Variants in ACVR1C observed in about 807,000 individuals in gnomAD.
The protein encoded by ACVR1C is activin A receptor type 1C.
Under a neutral mutation model 57.9 loss-of-function variants are expected in ACVR1C, and 23 were observed. That is an observed-to-expected ratio of 0.40 (90% confidence interval 0.29 to 0.56). The LOEUF (loss-of-function observed/expected upper bound fraction) is 0.56, where lower values mean the gene tolerates loss of function less well. Ranked by LOEUF, ACVR1C falls within the 20% of genes least tolerant of loss-of-function variation. ACVR1C has a pLI of 0.50. For missense variants in ACVR1C, 480 were observed against 607.9 expected, an observed-to-expected ratio of 0.79 and a Z score of 2.21; for synonymous variants, 214 against 215.3, an observed-to-expected ratio of 0.99 and a Z score of 0.05.
chr2:157,611,205 T>C (rs1028763049), intron 1 of ACVR1C, among the ~76,000 whole-genome samples: 7 of 152,216 alleles, frequency 4.6e-5, no homozygotes, highest in Admixed American at 1.3e-4. Context: ...TGAAGATGTA[T>C]CTATGACATT....
rs1162068412 is a variant in ACVR1C, at chr2:157,567,340, C to A, written c.305-11008G>T. On this transcript the variant is annotated intron_variant, in intron 2 of 8. Transcript: ENST00000243349. Reference sequence around the variant, plus strand: ...TCCTCCAAAGGAACGCAGTTCCTCACCAGCAACAGAACAAAGCTGGATGGA... The same window carrying A: ...TCCTCCAAAGGAACGCAGTTCCTCAACAGCAACAGAACAAAGCTGGATGGA... Among the ~76,000 whole-genome samples the A allele has an allele frequency of 2.9e-5, 3 of 104,250 alleles. 1 individual carries two copies. Among genetic ancestry groups the A allele is most frequent in the Admixed American group, 2.8e-4 (3 of 10,640 alleles). 68.4% of individuals were successfully genotyped at this position (104,250 alleles called of 152,430 possible).
In ACVR1C at chr2:157,540,542, C is replaced by T. The variant is rs538703136; in HGVS notation, c.1225+548G>A. ...GAACTCCCGACCTCAGTGATCCGCC[C>T]GCCTCAGCCTCCCAAAGTGTTGGGA... On this transcript the variant is annotated intron_variant, in intron 7 of 8. Transcript: ENST00000243349. Among the ~76,000 whole-genome samples the T allele has an allele frequency of 8.5e-5, 13 of 152,194 alleles. No individual in the cohort carries two copies. In the South Asian group the frequency reaches 1.2e-3, roughly 15 times the overall value.
intron 1 of ACVR1C, among the ~76,000 whole-genome samples, chr2:157,618,310 G>T (rs1379127115): frequency 1.3e-5 from 2 of 151,508 alleles, no homozygotes; most frequent in Non-Finnish European, 3.0e-5. Flanking sequence ...AAATAGAGAG[G>T]CATAGCTTAG....
At chr2:157,563,501 T>C (rs1055922286) in intron 2 of ACVR1C, among the ~76,000 whole-genome samples, 1 of 152,250 alleles carries the variant, frequency 6.6e-6, no homozygotes, top group African/African-American at 2.4e-5. Flanking sequence ...TTCATGCTCA[T>C]GGATAGGAAG....
At chr2:157,611,832 G>T (rs1682542614) in intron 1 of ACVR1C, among the ~76,000 whole-genome samples, 1 of 152,150 alleles carries the variant, frequency 6.6e-6, no homozygotes, top group Non-Finnish European at 1.5e-5. Context: ...GGGCTCTGTG[G>T]TTGTGGTGCC....
intron 2 of ACVR1C, among the ~76,000 whole-genome samples, chr2:157,574,664 A>T (rs1460522035): frequency 6.6e-6 from 1 of 152,076 alleles, no homozygotes; most frequent in African/African-American, 2.4e-5. Context: ...GCCTCTCTGG[A>T]TGACTTGCTT....
intron 2 of ACVR1C, among the ~76,000 whole-genome samples, chr2:157,576,229 C>T (rs77971173): frequency 0.092 from 8,139 of 88,512 alleles, 390 homozygotes; most frequent in East Asian, 0.24. Context: ...TTTTTGGCGA[C>T]GGAGTCTCAC....
chr2:157,573,629 T>A (rs1688575582), intron 2 of ACVR1C, among the ~76,000 whole-genome samples: 1 of 152,132 alleles, frequency 6.6e-6, no homozygotes. Context: ...CTTATCAAAA[T>A]TAACCCTAAA....
chr2:157,588,739 GT>G (rs139379626), intron 1 of ACVR1C, among the ~76,000 whole-genome samples: 2,030 of 150,598 alleles, frequency 0.013, 19 homozygotes, highest in Middle Eastern at 0.024. Context: ...ATGGCCTCCA[GT>G]TCCATCAGAA....
At chr2:157,574,291 G>A (rs1688593054) in intron 2 of ACVR1C, among the ~76,000 whole-genome samples, 1 of 152,198 alleles carries the variant, frequency 6.6e-6, no homozygotes. Context: ...CTGGTTCATA[G>A]AAGGCACCTT....
intron 2 of ACVR1C, among the ~76,000 whole-genome samples, chr2:157,569,490 A>T (rs1688472731): frequency 1.0e-5 from 1 of 95,484 alleles, no homozygotes; most frequent in South Asian, 3.9e-4. Context: ...AAAAAAAGAG[A>T]GAAGAATCAA....
chr2:157,535,114 T>TA (rs1227833852), intron 8 of ACVR1C, among the ~76,000 whole-genome samples: 1 of 136,862 alleles, frequency 7.3e-6, no homozygotes, highest in African/African-American at 2.8e-5. Flanking sequence ...CACTGCACTC[T>TA]AGCCTGGGTG....
At chr2:157,546,711 T>TA (rs968831018) in intron 4 of ACVR1C, among the ~76,000 whole-genome samples, 26 of 150,860 alleles carry the variant, frequency 1.7e-4, no homozygotes, top group East Asian at 5.8e-4. Context: ...AACAATTTCG[T>TA]AAAAAAAAAG....
intron 8 of ACVR1C, among the ~76,000 whole-genome samples, chr2:157,534,338 A>C (rs1367870159): frequency 6.6e-6 from 1 of 152,154 alleles, no homozygotes; most frequent in East Asian, 1.9e-4. Flanking sequence ...GTTTTGATGA[A>C]GAAACAGTAA....
At chr2:157,560,298 T>C (rs1248476101) in intron 2 of ACVR1C, among the ~76,000 whole-genome samples, 1 of 152,224 alleles carries the variant, frequency 6.6e-6, no homozygotes, top group Non-Finnish European at 1.5e-5. Context: ...AAAATATTGA[T>C]GTTTATGAGA....
intron 2 of ACVR1C, among the ~76,000 whole-genome samples, chr2:157,564,526 C>A (rs993916706): frequency 6.6e-6 from 1 of 152,164 alleles, no homozygotes; most frequent in South Asian, 2.1e-4. Context: ...ATTAGCTCAA[C>A]CACTGTAGAA....
rs529553501 is a variant in ACVR1C at position 157,529,646 on chromosome 2, A to C, written c.*4272T>G. 1 of 152,212 alleles carries C rather than the reference A, an allele frequency of 6.6e-6. No individual in the cohort carries two copies. The highest frequency in any genetic ancestry group is 1.5e-5 in the Non-Finnish European group (1 of 67,990). The allele number at this position is 152,212 out of a possible 1,614,324, so 9.4% of individuals were successfully genotyped here. On this transcript the variant is annotated 3_prime_UTR_variant, in exon 9 of 9. Transcript: ENST00000243349. ...ATAACTTTATATAATCTCTGAGAGTACTAAGGGATTCTCTTTCATTAGAAG... is the reference window on the plus strand; with the variant it reads ...ATAACTTTATATAATCTCTGAGAGTCCTAAGGGATTCTCTTTCATTAGAAG...
intron 2 of ACVR1C, among the ~76,000 whole-genome samples, chr2:157,574,590 A>C (rs1159054547): frequency 2.6e-5 from 4 of 152,092 alleles, no homozygotes; most frequent in African/African-American, 9.7e-5. Context: ...TATCTCATAG[A>C]CAGGTTTTAT....
chr2:157,609,137 C>T (rs1018901382), intron 1 of ACVR1C, among the ~76,000 whole-genome samples: 1 of 151,750 alleles, frequency 6.6e-6, no homozygotes, highest in African/African-American at 2.4e-5. Flanking sequence ...ACTGCTTTTG[C>T]TATATCCCAC....
Sources: gnomAD v4.1 joint callset for allele counts (sites outside exome capture counted in the v4.1 genomes callset) on GRCh38, gnomAD v4.1.1 for gene constraint, MANE v1.5 for transcripts, NCBI Gene and HGNC (gene_info 2026-07-23, HGNC 2026-07-21) for gene names.